UNC13D: variants seen among roughly 807,000 people sequenced by gnomAD.
UNC13D encodes the protein protein unc-13 homolog D.
UNC13D carries 115 observed loss-of-function variants against 151.7 expected under a neutral mutation model. The ratio of observed to expected loss-of-function variants is 0.76; its 90% CI spans 0.65 to 0.88. The LOEUF (loss-of-function observed/expected upper bound fraction) is 0.88, where lower values mean the gene tolerates loss of function less well. UNC13D is among the 40% of genes least tolerant of loss of function. The probability of loss-of-function intolerance (pLI) is 0.00; values close to 1 mark genes in which losing one functional copy is unlikely to be tolerated. For synonymous variants in UNC13D, 588 were observed against 612.2 expected, an observed-to-expected ratio of 0.96 and a Z score of 0.58; for missense variants, 1,369 against 1,438.7, an observed-to-expected ratio of 0.95 and a Z score of 0.78.
intron 18 of UNC13D, 39 bp from the exon 19 acceptor site, chr17:75,835,816 T>C: frequency 6.2e-7 from 1 of 1,614,028 alleles, no homozygotes; most frequent in Non-Finnish European, 8.5e-7. Flanking sequence ...CCCACAGCTC[T>C]GTTGGAGGGC....
chr17:75,834,750 T>A (rs2064895370), intron 21 of UNC13D, 34 bp from the exon 22 acceptor site: 2 of 1,610,032 alleles, frequency 1.2e-6, no homozygotes, highest in Admixed American at 3.3e-5. Context: ...AACTGATCCA[T>A]GGGTGGGGCA....
chr17:75,840,975 C>G lies in UNC13D; in HGVS notation c.596G>C (p.Ser199Thr). ...CACTCACCACATGTCCAGATGAAAG[C>G]TCGCATTGGTGATGTCCTCAAACTC... The part of the protein sequence containing the change: ...ILEFEDITNA[S>T]FHLDMWDLDT... The change falls in exon 7 of 32, where the codon AGC (serine) becomes ACC (threonine). Residue 199 changes from serine to threonine, a missense_variant. Around this residue, in one of 3 missense-constraint regions of UNC13D, gnomAD observed 550 missense variants for 609.0 expected, o/e 0.90. Coordinates refer to ENST00000207549, the MANE Select transcript of UNC13D (RefSeq NM_199242.3). The surrounding 1 kb of genome is among the most constrained non-coding windows in gnomAD (Gnocchi z 4.6). 1.2e-6 allele frequency: 2 copies of G among 1,613,996 alleles called. No homozygotes were observed. The highest frequency in any genetic ancestry group is 1.7e-6 in the Non-Finnish European group (2 of 1,180,004).
intron 30 of UNC13D, among the ~76,000 whole-genome samples, chr17:75,829,509 G>A (rs957700465): frequency 1.3e-5 from 2 of 151,616 alleles, no homozygotes; most frequent in African/African-American, 2.4e-5. Context: ...TAGCCAGGAT[G>A]GTCTTGATCT....
chr17:75,839,810 A>C, intron 12 of UNC13D, 29 bp downstream of exon 12: 1 of 1,610,924 alleles, frequency 6.2e-7, no homozygotes, highest in Non-Finnish European at 8.5e-7. Flanking sequence ...CTGGTGGCTC[A>C]GGGGTTCTGC....
Position 75,827,934 on chromosome 17 carries a change from G to A in UNC13D, c.*31C>T, listed in dbSNP as rs370884273. 2.0e-5 allele frequency: 32 copies of A among 1,604,946 alleles called. No homozygotes were observed. The highest frequency in any genetic ancestry group is 4.5e-5 in the East Asian group (2 of 44,486). The stretch of plus-strand genomic sequence containing the variant: ...AGGAAAGCCCTTGCAAGTCCCCACC[G>A]GGGACCCAGCCCCACCGCAAACCTC... On this transcript the variant is annotated 3_prime_UTR_variant, in exon 32 of 32. Transcript: ENST00000207549.
rs1477811631 is a variant in UNC13D, at chr17:75,836,631, G to C, written c.1239C>G (p.Phe413Leu). 1 of 1,613,822 alleles carries C rather than the reference G, an allele frequency of 6.2e-7. No homozygotes were observed. Among genetic ancestry groups the C allele is most frequent in the Admixed American group, 1.7e-5 (1 of 60,018 alleles). ...LTYGLSLIRR[F>L]RSVFPLSVSD... ...AGACAGAGAGGGGGAAGACAGAGCGGAACCTCCGGATGAGGGAGAGGCCGT... is the reference window on the plus strand; with the variant it reads ...AGACAGAGAGGGGGAAGACAGAGCGCAACCTCCGGATGAGGGAGAGGCCGT... Residue 413 changes from phenylalanine to leucine, a missense_variant, in exon 14 of 32, where the codon TTC becomes TTG. Phe to Leu is a conservative substitution (Grantham distance 22, BLOSUM62 0). Coordinates refer to ENST00000207549, the MANE Select transcript of UNC13D (RefSeq NM_199242.3).
intron 6 of UNC13D, chr17:75,841,211 T>A: frequency 1.9e-6 from 1 of 539,718 alleles, no homozygotes; most frequent in South Asian, 2.1e-5. Context: ...AGTGGCAGGA[T>A]CTAACTCACT....
In UNC13D at chr17:75,842,504, G is replaced by T. The variant is rs201410236; in HGVS notation, c.498C>A (p.Pro166=). ...RQKAVVRHTI[P]EEETHRTQVI... Reference sequence around the variant, plus strand: ...CCTGCGTGCGGTGGGTCTCCTCCTCGGGGATGGTGTGCCTCACCACAGCCT... The same window carrying T: ...CCTGCGTGCGGTGGGTCTCCTCCTCTGGGATGGTGTGCCTCACCACAGCCT... Residue 166 remains proline (P), a synonymous_variant, in exon 6 of 32, where the codon CCC becomes CCA. Transcript: ENST00000207549. The T allele has an allele frequency of 6.2e-7, 1 of 1,613,308 alleles. No homozygotes were observed. Among genetic ancestry groups the T allele is most frequent in the Non-Finnish European group, 8.5e-7 (1 of 1,179,946 alleles).
At chr17:75,835,243 C>T (rs2064899113) in intron 20 of UNC13D, 166 bp downstream of exon 20, 1 of 1,360,850 alleles carries the variant, frequency 7.3e-7, no homozygotes. Context: ...AGCCACAGCC[C>T]CAAGGATATC....
At chr17:75,844,110 G>A (rs559358085) in intron 1 of UNC13D, 111 bp downstream of exon 1, 15 of 1,519,332 alleles carry the variant, frequency 9.9e-6, no homozygotes, top group African/African-American at 9.5e-5. Flanking sequence ...GGGGAGGGTC[G>A]CTGGTCCCCA....
At position 75,834,138 on chromosome 17, in the gene UNC13D, C is replaced by G. The variant is rs2064890147; in HGVS notation, c.2304G>C (p.Glu768Asp). 1 of 1,613,662 alleles carries G rather than the reference C, an allele frequency of 6.2e-7. No individual in the cohort carries two copies. The highest frequency in any genetic ancestry group is 1.7e-5 in the Admixed American group (1 of 60,004). ...TCTGGATGTGCTTGGCGATGCCCAC[C>G]TCCAACTGGAGACACAAAACGGAAG... ...TGVRTLAEQLEVGIAKHIQKL... is the reference protein window; with the variant it reads ...TGVRTLAEQLDVGIAKHIQKL... Residue 768 changes from glutamate to aspartate, a missense_variant, in exon 24 of 32, where the codon GAG (glutamate) becomes GAC (aspartate). By Grantham distance (45) the Glu-to-Asp change is conservative (BLOSUM62 2). Around this residue, in one of 3 missense-constraint regions of UNC13D, gnomAD observed 807 missense variants for 795.5 expected, o/e 1.01. Transcript: ENST00000207549.
chr17:75,836,041 G>C lies in UNC13D; in HGVS notation c.1515C>G (p.Cys505Trp). ...VQDVIGDLHQ[C>W]QRTWDKIFHN... ...GGAAGATCTTGTCCCATGTGCGCTG[G>C]CACTGGTGCAGGTCGCCAATGACAT... Residue 505 changes from cysteine (C) to tryptophan (W), a missense_variant, in exon 17 of 32, where the codon TGC (cysteine) becomes TGG (tryptophan). This residue lies in a region of UNC13D where 807 missense variants were observed against 795.5 expected (regional missense o/e 1.01). Transcript: ENST00000207549. 1 of 1,613,992 alleles carries C rather than the reference G, an allele frequency of 6.2e-7. No individual in the cohort carries two copies. The highest frequency in any genetic ancestry group is 8.5e-7 in the Non-Finnish European group (1 of 1,180,028).
chr17:75,842,778 C>A, intron 5 of UNC13D, 79 bp downstream of exon 5: 2 of 1,603,290 alleles, frequency 1.2e-6, no homozygotes, highest in Non-Finnish European at 1.7e-6. Flanking sequence ...GGTGCTCCCG[C>A]CAAGAGTCCT....
chr17:75,842,605 C>T lies in UNC13D; in HGVS notation c.397G>A (p.Asp133Asn), dbSNP rs534150507. 16 of 1,611,702 alleles carry T rather than the reference C, an allele frequency of 9.9e-6. No individual in the cohort carries two copies. Among genetic ancestry groups the T allele is most frequent in the Admixed American group, 5.0e-5 (3 of 59,976 alleles). Residue 133 changes from aspartate (D) to asparagine (N), a missense_variant, in exon 6 of 32, where the codon GAC becomes AAC. By Grantham distance (23) the Asp-to-Asn change is conservative. Transcript: ENST00000207549. ...TCAATGCCCAGCAGGCAGTAGGGGT[C>T]GCTGAACCCTGTGGAGGAGTGGGGA... ...ILGKDVSGFS[D>N]PYCLLGIEQG...
chr17:75,827,641 G>GGC lies in UNC13D; in HGVS notation c.*323_*324insGC, dbSNP rs2062132881. 1 of 1,535,178 alleles carries GGC rather than the reference G, an allele frequency of 6.5e-7. No homozygotes were observed. Among genetic ancestry groups the GGC allele is most frequent in the African/African-American group, 1.4e-5 (1 of 73,058 alleles). On this transcript the variant is annotated 3_prime_UTR_variant, in exon 32 of 32. Coordinates refer to ENST00000207549, the MANE Select transcript of UNC13D (RefSeq NM_199242.3). ...GGAGGCAGATGGGCCAGGGCCAGGA[G>GGC]ACAGATGGCCCAATCCCCTGCCCAC...
Position 75,843,221 on chromosome 17 carries a change from G to C in UNC13D, c.199C>G (p.Leu67Val). 6.2e-7 allele frequency: 1 copy of C among 1,611,502 alleles called. No homozygotes were observed. Among genetic ancestry groups the C allele is most frequent in the Non-Finnish European group, 8.5e-7 (1 of 1,179,968 alleles). Residue 67 changes from leucine (L) to valine (V), a missense_variant, in exon 3 of 32, where the codon CTG becomes GTG. Physicochemically the swap from Leu to Val is conservative, Grantham distance 32 (BLOSUM62 1). Transcript: ENST00000207549. Reference protein sequence around the residue: ...EDALYTVLHRLGHPEPNHVTE... With the variant: ...EDALYTVLHRVGHPEPNHVTE... The stretch of plus-strand genomic sequence containing the variant: ...ACATGGTTGGGCTCAGGATGACCCA[G>C]GCGGTGCAAGACAGTGTAGAGTGCG...
At chr17:75,842,944 G>T in intron 4 of UNC13D, 21 bp from the exon 5 acceptor site, 1 of 1,613,250 alleles carries the variant, frequency 6.2e-7, no homozygotes, top group Non-Finnish European at 8.5e-7. Context: ...AGGAGGGATG[G>T]CCTGAGTCCC....
At chr17:75,841,135 CTTTTT>C (rs34691954) in intron 6 of UNC13D, 134 bp from the exon 7 acceptor site, 472 of 305,926 alleles carry the variant, frequency 1.5e-3, no homozygotes, top group Middle Eastern at 4.2e-3. Flanking sequence ...AGCCGCATCC[CTTTTT>C]TTTTTTTTTT....
At chr17:75,842,369 T>C (rs2064954975) in intron 6 of UNC13D, 64 bp downstream of exon 6, 2 of 1,567,950 alleles carry the variant, frequency 1.3e-6, no homozygotes, top group Admixed American at 1.7e-5. Flanking sequence ...TCTCATTGTC[T>C]GGGGCAGACC....
Sources: allele counts gnomAD v4.1 joint callset (sites outside exome capture counted in the v4.1 genomes callset), GRCh38; gene constraint gnomAD v4.1.1; regional missense constraint gnomAD v4.1.1; non-coding constraint Gnocchi (gnomAD v3.1); transcripts MANE v1.5; gene names NCBI Gene and HGNC (gene_info 2026-07-23, HGNC 2026-07-21).